Variants in CPNE3 observed in about 807,000 individuals in gnomAD.
CPNE3 encodes the protein copine 3.
A neutral mutation model predicts 63.9 loss-of-function variants in CPNE3; 68 were observed. The observed-to-expected ratio is 1.06, with a 90% confidence interval of 0.87 to 1.30. The LOEUF is 1.30. Ranked by LOEUF, CPNE3 falls within the 50% of genes most tolerant of loss-of-function variation. CPNE3 has a pLI of 0.00. For missense variants in CPNE3, 665 were observed against 578.1 expected, an observed-to-expected ratio of 1.15 and a Z score of -1.54; for synonymous variants, 219 against 197.5, an observed-to-expected ratio of 1.11 and a Z score of -0.91.
chr8:86,548,213 T>C (rs1821096402), intron 11 of CPNE3, 88 bp from the exon 12 acceptor site: 3 of 1,417,658 alleles, frequency 2.1e-6, no homozygotes, highest in South Asian at 1.3e-5. Flanking sequence ...GATGCATGAT[T>C]GTATCCCATC....
chr8:86,520,626 G>C (rs1354940421), intron 2 of CPNE3, among the ~76,000 whole-genome samples: 1 of 150,554 alleles, frequency 6.6e-6, no homozygotes, highest in Non-Finnish European at 1.5e-5. Flanking sequence ...CCAAATGCCT[G>C]CCATTGTGGT....
intron 6 of CPNE3, among the ~76,000 whole-genome samples, chr8:86,535,270 A>G (rs1414143955): frequency 3.3e-5 from 5 of 151,244 alleles, no homozygotes; most frequent in Non-Finnish European, 7.4e-5. Flanking sequence ...GTTGTGGGTT[A>G]TTGTCATTCA....
At chr8:86,547,652 T>G (rs1344809117) in intron 10 of CPNE3, 59 bp from the exon 11 acceptor site, 1 of 676,916 alleles carries the variant, frequency 1.5e-6, no homozygotes, top group Non-Finnish European at 2.5e-6. Context: ...TGCCAAAGAG[T>G]TTTTTGCTTC....
chr8:86,535,303 G>T (rs1420105747), intron 6 of CPNE3, among the ~76,000 whole-genome samples: 1 of 150,696 alleles, frequency 6.6e-6, no homozygotes, highest in Admixed American at 6.7e-5. Flanking sequence ...CTTTTCAGTG[G>T]ACAGATACAG....
chr8:86,519,291 G>C (rs771815244), intron 2 of CPNE3, among the ~76,000 whole-genome samples: 6 of 152,068 alleles, frequency 3.9e-5, no homozygotes, highest in Non-Finnish European at 5.9e-5. Context: ...ATTAATGAAG[G>C]GTCTTTAGTT....
intron 8 of CPNE3, among the ~76,000 whole-genome samples, chr8:86,544,376 T>C (rs1405313430): frequency 1.3e-5 from 2 of 152,314 alleles, no homozygotes; most frequent in East Asian, 3.9e-4. Flanking sequence ...CATTGCATAG[T>C]AATAAGGCAA....
intron 14 of CPNE3, among the ~76,000 whole-genome samples, chr8:86,554,646 G>A (rs1052148365): frequency 6.6e-6 from 1 of 152,150 alleles, no homozygotes; most frequent in African/African-American, 2.4e-5. Context: ...TTCTATTGGG[G>A]GAGGACAGAG....
intron 2 of CPNE3, among the ~76,000 whole-genome samples, chr8:86,523,531 GGGGTATCAGCA>G (rs1181753553): frequency 5.9e-5 from 9 of 152,322 alleles, no homozygotes; most frequent in African/African-American, 1.7e-4. Context: ...AACAGCATGA[GGGGTATCAGCA>G]GGGTATCAGC....
intron 2 of CPNE3, among the ~76,000 whole-genome samples, chr8:86,521,973 T>TA (rs368599439): frequency 0.078 from 11,713 of 150,894 alleles, 598 homozygotes; most frequent in Middle Eastern, 0.14. Flanking sequence ...TTGAAAATTG[T>TA]AAAAAAAAAC....
chr8:86,553,981 C>T (rs1233209530), intron 14 of CPNE3: 1 of 152,168 alleles, frequency 6.6e-6, no homozygotes, highest in Non-Finnish European at 1.5e-5. Flanking sequence ...ATCTCAGTGG[C>T]TTTAATGACA....
chr8:86,549,976 G>A (rs1479695148), intron 12 of CPNE3, among the ~76,000 whole-genome samples: 1 of 152,178 alleles, frequency 6.6e-6, no homozygotes, highest in Non-Finnish European at 1.5e-5. Flanking sequence ...AGGAGAGAAT[G>A]GATATTGCCG....
intron 10 of CPNE3, among the ~76,000 whole-genome samples, chr8:86,547,108 C>T (rs1563697174): frequency 1.3e-5 from 2 of 152,148 alleles, no homozygotes; most frequent in African/African-American, 4.8e-5. Context: ...AGTTGAAAAT[C>T]ACATGAGCAT....
chr8:86,520,535 CAA>C (rs1307288144), intron 2 of CPNE3, among the ~76,000 whole-genome samples: 1 of 143,808 alleles, frequency 7.0e-6, no homozygotes, highest in Non-Finnish European at 1.5e-5. Flanking sequence ...GCATGGGCGA[CAA>C]GAGTGAAAGT....
rs201096748 is a variant in CPNE3 at position 86,548,396 on chromosome 8, T to C, written c.975T>C (p.Ala325=). 11 of 1,614,160 alleles carry C rather than the reference T, an allele frequency of 6.8e-6. No homozygotes were observed. Among genetic ancestry groups the C allele is most frequent in the Non-Finnish European group, 7.6e-6 (9 of 1,180,030 alleles). ...ATGGCGTTAATGAGTATTTGACTGC[T>C]CTCTGGTCTGTGGGACTGGTCATTC... The part of the protein sequence containing the change: ...SPNGVNEYLT[A]LWSVGLVIQD... Residue 325 remains alanine, a synonymous_variant, in exon 12 of 17, where the codon GCT becomes GCC. Transcript: ENST00000517490.
At chr8:86,542,084 C>T (rs1820954026) in intron 8 of CPNE3, among the ~76,000 whole-genome samples, 1 of 152,156 alleles carries the variant, frequency 6.6e-6, no homozygotes, top group African/African-American at 2.4e-5. Context: ...AGTAAGTAAA[C>T]TGATTTTCTG....
intron 2 of CPNE3, among the ~76,000 whole-genome samples, chr8:86,516,948 G>T (rs1344277509): frequency 6.6e-6 from 1 of 152,230 alleles, no homozygotes; most frequent in Non-Finnish European, 1.5e-5. Context: ...ACCAAAGCAT[G>T]ATATTTCAGG....
In CPNE3 at chr8:86,537,613, T is replaced by A; in HGVS notation, c.510T>A (p.Ser170=). The change falls in exon 7 of 17, where the codon TCT becomes TCA. Residue 170 remains serine, a synonymous_variant. Transcript: ENST00000517490. Reference sequence around the variant, plus strand: ...ACCTGGAATTCCACAAGCAGACATCTGATGGAAACTGGCTAATGGTTCATC... The same window carrying A: ...ACCTGGAATTCCACAAGCAGACATCAGATGGAAACTGGCTAATGGTTCATC... ...DPYLEFHKQT[S]DGNWLMVHRT... The A allele has an allele frequency of 6.2e-7, 1 of 1,609,648 alleles. No individual in the cohort carries two copies. The highest frequency in any genetic ancestry group is 8.5e-7 in the Non-Finnish European group (1 of 1,175,950).
Position 86,548,518 on chromosome 8 carries a change from A to T in CPNE3, c.1013+84A>T, listed in dbSNP as rs1821104767. The T allele has an allele frequency of 3.4e-5, 52 of 1,537,626 alleles. No homozygotes were observed. In the South Asian group the frequency reaches 6.0e-4, roughly 18 times the overall value. On this transcript the variant is annotated intron_variant, in intron 12 of 16. Transcript: ENST00000517490. ...GTTTGTTTCATCGGCTAGCACTCTG[A>T]TATAGGTGGTAGGTTGATGATGCTT...
At position 86,556,111 on chromosome 8, in the gene CPNE3, G is replaced by A; in HGVS notation, c.1264G>A (p.Val422Met). 1.1e-6 allele frequency: 1 copy of A among 872,912 alleles called. No homozygotes were observed. The highest frequency in any genetic ancestry group is 2.0e-6 in the Non-Finnish European group (1 of 501,628). The allele number at this position is 872,912 out of a possible 1,614,324, so 54.1% of individuals were successfully genotyped here. A position where few individuals can be genotyped will look rare whatever the true frequency, so the allele number is the denominator to read the frequency against. The change falls in exon 16 of 17, where the codon GTG becomes ATG. Residue 422 changes from valine to methionine, a missense_variant. By Grantham distance (21) the Val-to-Met change is conservative (BLOSUM62 1). Coordinates refer to ENST00000517490, the MANE Select transcript of CPNE3 (RefSeq NM_003909.5). The stretch of plus-strand genomic sequence containing the variant: ...TTTCTTTTTCTGGCAGCAATATTTT[G>A]TGCTTTTGATTATTACTGATGGTGT... ...TQQQTASQYF[V>M]LLIITDGVIT... is the part of the protein sequence containing the mutation.
Sources: gnomAD v4.1 joint callset for allele counts (sites outside exome capture counted in the v4.1 genomes callset) on GRCh38, gnomAD v4.1.1 for gene constraint, MANE v1.5 for transcripts, NCBI Gene and HGNC (gene_info 2026-07-23, HGNC 2026-07-21) for gene names.